Variants in CNTNAP2 observed in about 807,000 individuals in gnomAD.
The protein encoded by CNTNAP2 is contactin-associated protein-like 2.
Under a neutral mutation model 155.2 loss-of-function variants are expected in CNTNAP2, and 98 were observed. The observed-to-expected ratio is 0.63, with a 90% CI of 0.54 to 0.75. The LOEUF is 0.75. Ranked by LOEUF, CNTNAP2 falls within the 30% of genes least tolerant of loss-of-function variation. CNTNAP2 has a pLI of 0.00. For synonymous variants in CNTNAP2, 651 were observed against 631.2 expected, an observed-to-expected ratio of 1.03 and a Z score of -0.47; for missense variants, 1,727 against 1,688.1, an observed-to-expected ratio of 1.02 and a Z score of -0.40.
chr7:148,359,154 G>A (rs1798574380), intron 21 of CNTNAP2, among the ~76,000 whole-genome samples: 2 of 152,154 alleles, frequency 1.3e-5, no homozygotes, highest in Admixed American at 1.3e-4. Flanking sequence ...CTACAGATTT[G>A]TAACCTAGGA....
At chr7:148,332,250 T>G (rs758294166) in intron 21 of CNTNAP2, among the ~76,000 whole-genome samples, 13 of 152,136 alleles carry the variant, frequency 8.5e-5, no homozygotes, top group Non-Finnish European at 1.5e-4. Flanking sequence ...TGTGAAACTA[T>G]TGTAGAGCAT....
chr7:146,983,423 A>G (rs1280316633), intron 3 of CNTNAP2, among the ~76,000 whole-genome samples: 2 of 150,918 alleles, frequency 1.3e-5, no homozygotes, highest in Non-Finnish European at 2.9e-5. Context: ...AAACATAGAC[A>G]AAAAAAACAG....
chr7:147,507,754 C>T (rs977567428), intron 11 of CNTNAP2, among the ~76,000 whole-genome samples: 1 of 151,828 alleles, frequency 6.6e-6, no homozygotes, highest in Non-Finnish European at 1.5e-5. Flanking sequence ...GGAGTTTCAC[C>T]ATGTTAGCCA....
intron 21 of CNTNAP2, among the ~76,000 whole-genome samples, chr7:148,362,145 G>C (rs1216923913): frequency 1.3e-5 from 2 of 152,030 alleles, no homozygotes; most frequent in African/African-American, 4.8e-5. Flanking sequence ...GGAGGCAGAG[G>C]TTGCAGTGAG....
chr7:147,631,399 A>G (rs1431198475), intron 12 of CNTNAP2, among the ~76,000 whole-genome samples: 2 of 152,138 alleles, frequency 1.3e-5, no homozygotes, highest in East Asian at 3.9e-4. Context: ...TGTGAAAATG[A>G]CCATACTGCC....
At chr7:147,161,046 A>G (rs1421343650) in intron 8 of CNTNAP2, among the ~76,000 whole-genome samples, 1 of 152,184 alleles carries the variant, frequency 6.6e-6, no homozygotes, top group African/African-American at 2.4e-5. Context: ...GACAGTGAAC[A>G]GGTAAGTGTG....
At chr7:148,128,144 CA>C (rs1804755049) in intron 16 of CNTNAP2, among the ~76,000 whole-genome samples, 1 of 152,164 alleles carries the variant, frequency 6.6e-6, no homozygotes, top group African/African-American at 2.4e-5. Context: ...GCTGGGATTA[CA>C]ATCGTCAGCC....
chr7:146,920,513 C>T (rs1206656324), intron 3 of CNTNAP2, among the ~76,000 whole-genome samples: 1 of 151,462 alleles, frequency 6.6e-6, no homozygotes, highest in African/African-American at 2.4e-5. Flanking sequence ...ACTTTTTGTC[C>T]CATAAATATA....
intron 12 of CNTNAP2, among the ~76,000 whole-genome samples, chr7:147,585,397 T>G (rs1041344279): frequency 6.7e-6 from 1 of 149,962 alleles, no homozygotes; most frequent in African/African-American, 2.4e-5. Flanking sequence ...CAAATTTATA[T>G]GTATATTTGA....
chr7:147,104,626 T>C (rs1800720112), intron 4 of CNTNAP2, among the ~76,000 whole-genome samples: 1 of 151,484 alleles, frequency 6.6e-6, no homozygotes, highest in Non-Finnish European at 1.5e-5. Context: ...TTTGTTGATA[T>C]GCTATATTTA....
intron 16 of CNTNAP2, among the ~76,000 whole-genome samples, chr7:148,145,638 T>C (rs1805163602): frequency 6.6e-6 from 1 of 152,208 alleles, no homozygotes; most frequent in African/African-American, 2.4e-5. Context: ...CCTGCTAAAA[T>C]ACAGTGTTAT....
chr7:148,076,493 T>C (rs920083481), intron 15 of CNTNAP2, among the ~76,000 whole-genome samples: 5 of 132,010 alleles, frequency 3.8e-5, no homozygotes, highest in Non-Finnish European at 7.7e-5. Flanking sequence ...TGGAGTGCAG[T>C]GGCCCGATCT....
intron 1 of CNTNAP2, among the ~76,000 whole-genome samples, chr7:146,596,648 G>T (rs544524014): frequency 2.4e-5 from 3 of 123,400 alleles, no homozygotes; most frequent in East Asian, 4.3e-4. Context: ...AGAAATTGTT[G>T]AGGGGCTAAT....
chr7:146,245,886 A>G (rs1799640144), intron 1 of CNTNAP2, among the ~76,000 whole-genome samples: 1 of 136,606 alleles, frequency 7.3e-6, no homozygotes, highest in South Asian at 2.2e-4. Flanking sequence ...GAACAGAATA[A>G]TGGATTGTGG....
chr7:147,764,695 T>C (rs887914374), intron 13 of CNTNAP2, among the ~76,000 whole-genome samples: 4 of 152,208 alleles, frequency 2.6e-5, no homozygotes, highest in African/African-American at 4.8e-5. Context: ...GTTAAACATA[T>C]TGTAAATTCT....
At chr7:147,163,479 C>T (rs1228010395) in intron 8 of CNTNAP2, among the ~76,000 whole-genome samples, 1 of 152,100 alleles carries the variant, frequency 6.6e-6, no homozygotes, top group Admixed American at 6.5e-5. Flanking sequence ...GTTACTTACC[C>T]AATTTCTCCT....
intron 9 of CNTNAP2, among the ~76,000 whole-genome samples, chr7:147,370,352 G>A (rs1386940338): frequency 6.6e-6 from 1 of 152,052 alleles, no homozygotes; most frequent in East Asian, 1.9e-4. Flanking sequence ...ACGTCCTTGG[G>A]GCAGTCATTG....
intron 21 of CNTNAP2, among the ~76,000 whole-genome samples, chr7:148,288,247 C>T (rs373841666): frequency 1.3e-5 from 2 of 151,666 alleles, no homozygotes; most frequent in Non-Finnish European, 2.9e-5. Context: ...TTACAGGCGC[C>T]CACCACCATG....
At chr7:147,804,678 C>T (rs1326011045) in intron 13 of CNTNAP2, among the ~76,000 whole-genome samples, 7 of 151,604 alleles carry the variant, frequency 4.6e-5, no homozygotes, top group South Asian at 2.1e-4. Flanking sequence ...CTCAGCCTCC[C>T]GAATAGCTGG....
Sources: allele counts gnomAD v4.1 joint callset (sites outside exome capture counted in the v4.1 genomes callset), GRCh38; gene constraint gnomAD v4.1.1; transcripts MANE v1.5; gene names NCBI Gene and HGNC (gene_info 2026-07-23, HGNC 2026-07-21).